DLGAP2: variants seen among roughly 807,000 people sequenced by gnomAD.
DLGAP2 encodes the protein DLG associated protein 2, also known as disks large-associated protein 2.
A neutral mutation model predicts 100.3 loss-of-function variants in DLGAP2; 26 were observed. The observed-to-expected ratio is 0.26, with a 90% CI of 0.19 to 0.36. The LOEUF is 0.36. Among genes scored for constraint, DLGAP2 ranks in the 10% least tolerant of loss-of-function variants. The probability of loss-of-function intolerance (pLI) is 1.00; values close to 1 mark genes in which losing one functional copy is unlikely to be tolerated. For missense variants in DLGAP2, 1,858 were observed against 1,453.2 expected (o/e 1.28, Z -4.53); for synonymous variants, 886 against 630.1 (o/e 1.41, Z -6.08).
In DLGAP2 at chr8:1,572,439, G is replaced by A. The variant is rs185729543; in HGVS notation, c.1442+6545G>A. 1.9e-3 allele frequency among the ~76,000 whole-genome samples: 253 copies of A among 136,020 alleles called. 3 individuals are homozygous for A. Among genetic ancestry groups the A allele is most frequent in the African/African-American group, 6.5e-3 (232 of 35,540 alleles). 89.2% of individuals were successfully genotyped at this position (136,020 alleles called of 152,430 possible). On this transcript the variant is annotated intron_variant, in intron 6 of 14. Coordinates refer to ENST00000637795, the MANE Select transcript of DLGAP2 (RefSeq NM_001346810.2). ...TGGGGGCATCTGCTGGAATAGAGAC[G>A]AGAGAGGTGAACTGTGGGGCGTCTG...
intron 1 of DLGAP2, among the ~76,000 whole-genome samples, chr8:766,501 T>G (rs1037148731): frequency 3.3e-5 from 5 of 152,178 alleles, no homozygotes; most frequent in African/African-American, 4.8e-5. Flanking sequence ...AAATATATTG[T>G]GATATAGATG....
intron 2 of DLGAP2, among the ~76,000 whole-genome samples, chr8:970,259 G>A (rs1486070359): frequency 1.3e-5 from 2 of 152,016 alleles, no homozygotes; most frequent in Non-Finnish European, 2.9e-5. Context: ...ATTGATGGTG[G>A]GTTTGCAAGA....
chr8:1,473,692 CT>C (rs549179148), intron 3 of DLGAP2, among the ~76,000 whole-genome samples: 364 of 152,262 alleles, frequency 2.4e-3, no homozygotes, highest in Admixed American at 3.4e-3. Context: ...CTCCCATAAT[CT>C]CCACTGTTGT....
chr8:1,152,274 C>G (rs1443991706), intron 2 of DLGAP2, among the ~76,000 whole-genome samples: 1 of 152,182 alleles, frequency 6.6e-6, no homozygotes, highest in African/African-American at 2.4e-5. Flanking sequence ...TGCATTCAGA[C>G]TTTTGCCTTT....
chr8:798,823 C>T (rs1319778926), intron 1 of DLGAP2, among the ~76,000 whole-genome samples: 2 of 131,946 alleles, frequency 1.5e-5, no homozygotes, highest in Non-Finnish European at 3.2e-5. Flanking sequence ...TGCCTGCTTC[C>T]GTTGGCGCTG....
At chr8:1,541,012 T>C (rs1801345049) in intron 4 of DLGAP2, among the ~76,000 whole-genome samples, 1 of 151,390 alleles carries the variant, frequency 6.6e-6, no homozygotes, top group African/African-American at 2.4e-5. Flanking sequence ...CAGCACAGGA[T>C]TTTCTACAGA....
At chr8:1,271,736 A>G (rs1279288880) in intron 3 of DLGAP2, among the ~76,000 whole-genome samples, 1 of 152,212 alleles carries the variant, frequency 6.6e-6, no homozygotes, top group Non-Finnish European at 1.5e-5. Flanking sequence ...ATGTTGGTTG[A>G]AGGCTACAAA....
At chr8:745,447 G>A (rs1820594026) in intron 1 of DLGAP2, among the ~76,000 whole-genome samples, 1 of 152,154 alleles carries the variant, frequency 6.6e-6, no homozygotes, top group Non-Finnish European at 1.5e-5. Flanking sequence ...GTTCTTTAAA[G>A]CAACCAAACA....
intron 3 of DLGAP2, among the ~76,000 whole-genome samples, chr8:1,483,288 C>A (rs1799148190): frequency 6.6e-6 from 1 of 152,224 alleles, no homozygotes; most frequent in African/African-American, 2.4e-5. Context: ...TCCCTCTAGA[C>A]TCTGCCCCAC....
rs941126665 is a variant in DLGAP2, at chr8:812,403, G to A, written c.18+74578G>A. On this transcript the variant is annotated intron_variant, in intron 1 of 14. Coordinates refer to ENST00000637795, the MANE Select transcript of DLGAP2 (RefSeq NM_001346810.2). ...CCCTGCCTCCCAGCCTCTTGTGTAC[G>A]GCTTCTCCCTTCTGCCGGCCCCGCC... Among the ~76,000 whole-genome samples the A allele has an allele frequency of 1.2e-4, 18 of 152,134 alleles. 1 individual carries two copies. The highest frequency in any genetic ancestry group is 5.8e-4 in the East Asian group (3 of 5,182).
intron 3 of DLGAP2, among the ~76,000 whole-genome samples, chr8:1,473,126 T>C (rs552287860): frequency 9.8e-5 from 15 of 152,314 alleles, no homozygotes; most frequent in African/African-American, 3.6e-4. Context: ...AGACAGCATT[T>C]CACCATGTTG....
chr8:1,535,909 C>T (rs1478256701), intron 4 of DLGAP2, among the ~76,000 whole-genome samples: 1 of 152,172 alleles, frequency 6.6e-6, no homozygotes, highest in Non-Finnish European at 1.5e-5. Flanking sequence ...TGTTGGTGGT[C>T]AGCCAGCACA....
chr8:894,475 G>T (rs1407390589), intron 1 of DLGAP2, among the ~76,000 whole-genome samples: 1 of 151,818 alleles, frequency 6.6e-6, no homozygotes, highest in Non-Finnish European at 1.5e-5. Context: ...GTCATTTGTG[G>T]AAACATGGAT....
At chr8:1,436,020 T>C (rs1797612210) in intron 3 of DLGAP2, among the ~76,000 whole-genome samples, 2 of 152,118 alleles carry the variant, frequency 1.3e-5, no homozygotes, top group African/African-American at 4.8e-5. Context: ...AAAAATAAAA[T>C]AAAGTACAAG....
chr8:881,318 A>C (rs1488451584), intron 1 of DLGAP2, among the ~76,000 whole-genome samples: 1 of 152,178 alleles, frequency 6.6e-6, no homozygotes, highest in Non-Finnish European at 1.5e-5. Context: ...AGTTTTATGT[A>C]GGACGTTTGC....
At chr8:821,668 GTTC>G (rs1320458412) in intron 1 of DLGAP2, among the ~76,000 whole-genome samples, 1 of 152,128 alleles carries the variant, frequency 6.6e-6, no homozygotes, top group Non-Finnish European at 1.5e-5. Context: ...AATCTGTTTG[GTTC>G]TTTGCAGAAC....
intron 2 of DLGAP2, among the ~76,000 whole-genome samples, chr8:1,058,961 C>T (rs58503993): frequency 0.062 from 9,388 of 152,222 alleles, 931 homozygotes; most frequent in African/African-American, 0.22. Context: ...ATTCAGCAAA[C>T]CTTTATTTAG....
intron 2 of DLGAP2, among the ~76,000 whole-genome samples, chr8:1,125,947 C>T (rs1012807497): frequency 2.1e-4 from 32 of 152,196 alleles, no homozygotes; most frequent in Admixed American, 5.9e-4. Flanking sequence ...GAATCCCTGG[C>T]GCCCCATCCG....
chr8:990,430 CCCCAT>C (rs1800641975), intron 2 of DLGAP2, among the ~76,000 whole-genome samples: 2 of 40,294 alleles, frequency 5.0e-5, no homozygotes, highest in African/African-American at 2.5e-4. Context: ...CCCCCTGCAC[CCCCAT>C]ACTCGGAGTT....
Sources: gnomAD v4.1 joint callset for allele counts (sites outside exome capture counted in the v4.1 genomes callset) on GRCh38, gnomAD v4.1.1 for gene constraint, MANE v1.5 for transcripts, NCBI Gene and HGNC (gene_info 2026-07-23, HGNC 2026-07-21) for gene names.